The following TCF4 variants were observed in gnomAD, a reference collection of about 807,000 sequenced individuals.
TCF4 encodes SL3-3 enhancer factor 2.
TCF4 carries 3 observed loss-of-function variants against 82.1 expected under a neutral mutation model. The observed-to-expected ratio is 0.04, with a 90% CI of 0.02 to 0.09. TCF4 has a LOEUF of 0.09. TCF4 is among the 10% of genes least tolerant of loss of function. The probability of loss-of-function intolerance (pLI) is 1.00; values close to 1 mark genes in which losing one functional copy is unlikely to be tolerated. For synonymous variants in TCF4, 276 were observed against 309.6 expected (o/e 0.89, Z 1.14); for missense variants, 518 against 852.7 (o/e 0.61, Z 4.89).
chr18:55,635,597 A>C, intron 1 of TCF4: 1 of 1,385,660 alleles, frequency 7.2e-7, no homozygotes, highest in Non-Finnish European at 9.5e-7. Flanking sequence ...GAGAGAGGTT[A>C]GAGAGCTAGA....
intron 8 of TCF4, among the ~76,000 whole-genome samples, chr18:55,318,240 G>A (rs558681283): frequency 1.5e-4 from 23 of 152,076 alleles, no homozygotes; most frequent in African/African-American, 5.5e-4. Context: ...CTTCTTCAAT[G>A]AACATGCAAG....
At chr18:55,269,530 T>A (rs556895220) in intron 11 of TCF4, 1 of 406,196 alleles carries the variant, frequency 2.5e-6, no homozygotes, top group Non-Finnish European at 4.7e-6. Context: ...GCTCATCTTA[T>A]GACTTTGTTC....
At chr18:55,511,915 CA>C (rs35119339) in intron 3 of TCF4, among the ~76,000 whole-genome samples, 85 of 151,878 alleles carry the variant, frequency 5.6e-4, no homozygotes, top group African/African-American at 1.9e-3. Flanking sequence ...ATCATTGCTG[CA>C]AAGCACTAGA....
intron 15 of TCF4, among the ~76,000 whole-genome samples, chr18:55,244,622 A>G (rs2052456025): frequency 6.6e-6 from 1 of 152,252 alleles, no homozygotes; most frequent in African/African-American, 2.4e-5. Flanking sequence ...TTCCAGAGCC[A>G]GTCGGCCTCT....
intron 3 of TCF4, among the ~76,000 whole-genome samples, chr18:55,472,491 T>TC (rs1373649390): frequency 1.3e-5 from 2 of 152,114 alleles, no homozygotes; most frequent in African/African-American, 4.8e-5. Flanking sequence ...CTAGCTGGGG[T>TC]CTTCCTCTTG....
chr18:55,237,949 G>A (rs897609111), intron 15 of TCF4, among the ~76,000 whole-genome samples: 1 of 152,210 alleles, frequency 6.6e-6, no homozygotes, highest in African/African-American at 2.4e-5. Flanking sequence ...GAAATAGATG[G>A]AGAAACTCAC....
chr18:55,423,173 T>TAA (rs10623644), intron 5 of TCF4, among the ~76,000 whole-genome samples: 33,977 of 151,250 alleles, frequency 0.22, 4,366 homozygotes, highest in East Asian at 0.48. Context: ...CAGTTCTTAA[T>TAA]AAAAAAAAAT....
chr18:55,322,347 G>A (rs1009331803), intron 8 of TCF4: 1 of 1,013,546 alleles, frequency 9.9e-7, no homozygotes. Context: ...ATCTGTCTCT[G>A]CTGCTGGCTA....
intron 8 of TCF4, chr18:55,321,936 C>G: frequency 7.3e-7 from 1 of 1,379,056 alleles, no homozygotes; most frequent in Admixed American, 3.1e-5. Context: ...CTCAACTTTG[C>G]GCAGCGGAGC....
At chr18:55,361,424 C>T (rs2085163468) in intron 6 of TCF4, among the ~76,000 whole-genome samples, 1 of 152,208 alleles carries the variant, frequency 6.6e-6, no homozygotes, top group South Asian at 2.1e-4. Flanking sequence ...CTGCAGCCTA[C>T]CTATAGTCAG....
rs1353424775 is a variant in TCF4 at position 55,595,104 on chromosome 18, A to G, written c.287-7968T>C. On this transcript the variant is annotated intron_variant, in intron 2 of 20. Coordinates refer to the TCF4 transcript ENST00000398339. ...AAATAGAACACTCAGACTGCAACAG[A>G]GAAAACAGTTTTATGATTAGAAGGA... 2.0e-5 allele frequency among the ~76,000 whole-genome samples: 3 copies of G among 152,244 alleles called. No homozygotes were observed. The East Asian group carries it at 5.8e-4, about 29-fold the overall frequency.
chr18:55,444,857 A>G (rs1252441472), intron 5 of TCF4, among the ~76,000 whole-genome samples: 6 of 152,174 alleles, frequency 3.9e-5, no homozygotes, highest in African/African-American at 1.4e-4. Context: ...TATATTCTAC[A>G]TCTTAACAAA....
intron 6 of TCF4, among the ~76,000 whole-genome samples, chr18:55,375,072 C>A (rs1404603478): frequency 2.6e-5 from 4 of 151,812 alleles, no homozygotes; most frequent in South Asian, 4.2e-4. Flanking sequence ...CAAGGTAGAA[C>A]CTTGAAACAA....
At chr18:55,262,390 A>T (rs2058246254) in intron 11 of TCF4, among the ~76,000 whole-genome samples, 1 of 152,238 alleles carries the variant, frequency 6.6e-6, no homozygotes, top group Non-Finnish European at 1.5e-5. Flanking sequence ...GGTCTTCAGT[A>T]TTAACAGAAT....
At chr18:55,237,235 G>A (rs910103001) in intron 15 of TCF4, among the ~76,000 whole-genome samples, 7 of 151,958 alleles carry the variant, frequency 4.6e-5, no homozygotes, top group East Asian at 3.9e-4. Flanking sequence ...CTTCAGTTAC[G>A]GTGATCTTTG....
chr18:55,403,318 T>C, intron 6 of TCF4, 136 bp downstream of exon 6: 1 of 968,074 alleles, frequency 1.0e-6, no homozygotes, highest in Non-Finnish European at 1.7e-6. Flanking sequence ...ATTTCATTAC[T>C]TAAAGAGAGA....
At chr18:55,535,897 C>T (rs1339344692) in intron 3 of TCF4, among the ~76,000 whole-genome samples, 1 of 152,172 alleles carries the variant, frequency 6.6e-6, no homozygotes, top group African/African-American at 2.4e-5. Flanking sequence ...TAATATTTTA[C>T]ATCTGGAAAC....
At chr18:55,228,415 G>C in intron 18 of TCF4, 54 bp from the exon 19 acceptor site, 1 of 1,606,760 alleles carries the variant, frequency 6.2e-7, no homozygotes, top group Non-Finnish European at 8.5e-7. Context: ...TTCTGGCAGA[G>C]GGCAGCAATG....
chr18:55,631,048 T>TG (rs2097730999), intron 2 of TCF4, among the ~76,000 whole-genome samples: 2 of 122,864 alleles, frequency 1.6e-5, no homozygotes, highest in African/African-American at 7.3e-5. Flanking sequence ...GTAAGAGCAA[T>TG]GGGTTTTTTT....
Sources: allele counts gnomAD v4.1 joint callset (sites outside exome capture counted in the v4.1 genomes callset), GRCh38; gene constraint gnomAD v4.1.1; transcripts MANE v1.5; gene names NCBI Gene and HGNC (gene_info 2026-07-23, HGNC 2026-07-21).